The following IRX6 variants were observed in gnomAD, a reference collection of about 807,000 sequenced individuals.
IRX6 encodes the protein iroquois homeobox 6.
A neutral mutation model predicts 47.7 loss-of-function variants in IRX6; 46 were observed. The ratio of observed to expected loss-of-function variants is 0.96; its 90% confidence interval spans 0.76 to 1.23. The LOEUF (loss-of-function observed/expected upper bound fraction) is 1.23, where lower values mean the gene tolerates loss of function less well. Ranked by LOEUF, IRX6 falls within the 50% of genes most tolerant of loss-of-function variation. The pLI, the probability that IRX6 is intolerant of heterozygous loss-of-function variation, is 0.00. For missense variants in IRX6, 722 were observed against 588.0 expected (o/e 1.23, Z -2.36); for synonymous variants, 265 against 246.2 (o/e 1.08, Z -0.72).
chr16:55,325,244 A>G, intron 1 of IRX6, 108 bp downstream of exon 1: 2 of 1,034,910 alleles, frequency 1.9e-6, no homozygotes, highest in Non-Finnish European at 2.9e-6. Flanking sequence ...GGGAAGCCAG[A>G]AGGAGCAAGG....
In IRX6 at chr16:55,328,798, G is replaced by A. The variant is rs764874460; in HGVS notation, c.820G>A (p.Val274Ile). 24 of 1,613,172 alleles carry A rather than the reference G, an allele frequency of 1.5e-5. No individual in the cohort carries two copies. The East Asian group carries it at 3.6e-4, about 24-fold the overall frequency. The part of the protein sequence containing the change: ...EEEEEAEDEE[V>I]VATAGDRLTE... Reference sequence around the variant, plus strand: ...GGAGGAGGAAGCTGAAGACGAGGAGGTAGTGGCCACAGCTGGGGACAGGCT... The same window carrying A: ...GGAGGAGGAAGCTGAAGACGAGGAGATAGTGGCCACAGCTGGGGACAGGCT... The change falls in exon 5 of 6, where the codon GTA (valine) becomes ATA (isoleucine). Residue 274 changes from valine (V) to isoleucine (I), a missense_variant. Transcript: ENST00000290552.
At position 55,330,374 on chromosome 16, in the gene IRX6, A is replaced by G; in HGVS notation, c.*69A>G. 1 of 1,485,752 alleles carries G rather than the reference A, an allele frequency of 6.7e-7. No individual in the cohort carries two copies. Among genetic ancestry groups the G allele is most frequent in the South Asian group, 1.1e-5 (1 of 88,522 alleles). 92.0% of individuals were successfully genotyped at this position (1,485,752 alleles called of 1,614,324 possible). On this transcript the variant is annotated 3_prime_UTR_variant, in exon 6 of 6. Transcript: ENST00000290552. ...ACGTTTCGAATTCATCTCCAGGTTA[A>G]GAAGCTGCCAGACCTTGCCAGGGAC... is the stretch of plus-strand genomic sequence containing the variant.
At chr16:55,328,675 C>T (rs1960580786) in intron 4 of IRX6, 25 bp from the exon 5 acceptor site, 1 of 1,608,370 alleles carries the variant, frequency 6.2e-7, no homozygotes, top group South Asian at 1.1e-5. Flanking sequence ...TGGGGCTTTT[C>T]TCACTCGCTC....
chr16:55,328,125 C>T (rs541620044), intron 4 of IRX6, among the ~76,000 whole-genome samples: 1 of 152,242 alleles, frequency 6.6e-6, no homozygotes, highest in Admixed American at 6.5e-5. Flanking sequence ...CTTCCTGCCT[C>T]ACCCAAGCCA....
At chr16:55,326,793 G>A in intron 2 of IRX6, 200 bp downstream of exon 2, 4 of 506,526 alleles carry the variant, frequency 7.9e-6, no homozygotes, top group Non-Finnish European at 1.3e-5. Context: ...AATTCTGTGA[G>A]GTAGGCAAGT....
chr16:55,325,614 A>G (rs1960508041), intron 1 of IRX6, among the ~76,000 whole-genome samples: 1 of 150,824 alleles, frequency 6.6e-6, no homozygotes, highest in African/African-American at 2.4e-5. Flanking sequence ...AGAAAGAGAA[A>G]GAAAGAACTT....
chr16:55,327,405 G>A lies in IRX6; in HGVS notation c.413G>A (p.Arg138Gln), dbSNP rs755163241. The A allele has an allele frequency of 1.4e-5, 23 of 1,608,968 alleles. No individual in the cohort carries two copies. Among genetic ancestry groups the A allele is most frequent in the African/African-American group, 6.7e-5 (5 of 74,794 alleles). ...ACTCTGGGGCAGTACCAATATGAACGGTAAGGAGTGAAGGGCCTTGGTGAC... is the reference window on the plus strand; with the variant it reads ...ACTCTGGGGCAGTACCAATATGAACAGTAAGGAGTGAAGGGCCTTGGTGAC... The part of the protein sequence containing the change: ...ERTLGQYQYE[R>Q]YGAVELSGAG... Residue 138 changes from arginine (R) to glutamine (Q), a missense_variant and splice_region_variant, in exon 3 of 6, where the codon CGG becomes CAG. By Grantham distance (43) the Arg-to-Gln change is conservative. Coordinates refer to ENST00000290552, the MANE Select transcript of IRX6 (RefSeq NM_024335.3).
intron 1 of IRX6, chr16:55,325,835 A>T (rs1287023672): frequency 9.7e-5 from 15 of 155,306 alleles, no homozygotes; most frequent in Admixed American, 8.1e-4. Flanking sequence ...TTCTGAGTGT[A>T]TTTTCCTGTT....
intron 5 of IRX6, 73 bp downstream of exon 5, chr16:55,329,384 A>G (rs1418269268): frequency 7.3e-6 from 11 of 1,514,520 alleles, no homozygotes; most frequent in Non-Finnish European, 7.9e-6. Context: ...CGGCAATTGC[A>G]CACCCTCTGC....
rs368680499 is a variant in IRX6 at position 55,325,048 on chromosome 16, G to T, written c.-44G>T. On this transcript the variant is annotated 5_prime_UTR_variant, in exon 1 of 6. Transcript: ENST00000290552. Reference sequence around the variant, plus strand: ...GGGCGCGGAACAGCTGGGCTGAGACGGGAACTCGACAGGGAAGAGAGAGAC... The same window carrying T: ...GGGCGCGGAACAGCTGGGCTGAGACTGGAACTCGACAGGGAAGAGAGAGAC... 4.1e-4 allele frequency: 654 copies of T among 1,606,602 alleles called. No homozygotes were observed. Among genetic ancestry groups the T allele is most frequent in the Non-Finnish European group, 5.3e-4 (619 of 1,173,572 alleles).
rs938338098 is a variant in IRX6 at position 55,329,113 on chromosome 16, C to T, written c.1135C>T (p.Arg379Cys). Residue 379 changes from arginine to cysteine, a missense_variant, in exon 5 of 6, where the codon CGT becomes TGT. Arg to Cys is a radical substitution (Grantham distance 180). Coordinates refer to ENST00000290552, the MANE Select transcript of IRX6 (RefSeq NM_024335.3). The part of the protein sequence containing the change: ...ARPRPRSPEC[R>C]MIPGQPPASA... ...GCCTAGGCCACGAAGTCCTGAGTGC[C>T]GTATGATTCCTGGACAGCCTCCTGC... is the stretch of plus-strand genomic sequence containing the variant. 1 of 1,614,096 alleles carries T rather than the reference C, an allele frequency of 6.2e-7. No individual in the cohort carries two copies. Among genetic ancestry groups the T allele is most frequent in the Non-Finnish European group, 8.5e-7 (1 of 1,180,038 alleles).
chr16:55,327,862 C>T lies in IRX6; in HGVS notation c.690C>T (p.Asp230=). The change falls in exon 4 of 6, where the codon GAC becomes GAT. Residue 230 remains aspartate, a synonymous_variant. Transcript: ENST00000290552. ...EERKAEGGEE[D]SLGCLTADTK... is the part of the protein sequence containing the mutation. ...GGAAGGCAGAGGGAGGAGAGGAGGA[C>T]TCACTAGGCTGCCTAACTGCTGACA... 1 of 1,609,200 alleles carries T rather than the reference C, an allele frequency of 6.2e-7. No homozygotes were observed. The highest frequency in any genetic ancestry group is 8.5e-7 in the Non-Finnish European group (1 of 1,177,676).
chr16:55,329,242 C>G lies in IRX6; in HGVS notation c.1264C>G (p.Leu422Val). The G allele has an allele frequency of 6.2e-7, 1 of 1,613,840 alleles. No individual in the cohort carries two copies. The highest frequency in any genetic ancestry group is 8.5e-7 in the Non-Finnish European group (1 of 1,180,042). The change falls in exon 5 of 6, where the codon CTG becomes GTG. Residue 422 changes from leucine to valine, a missense_variant. Leu to Val is a conservative substitution (Grantham distance 32). Transcript: ENST00000290552. ...CAAGTTTGCCCTGCAGGGACTACCG[C>G]TGAACTGTGCGCCGTGCCCGCGGAG... The part of the protein sequence containing the change: ...NPKFALQGLP[L>V]NCAPCPRRSE...
intron 4 of IRX6, among the ~76,000 whole-genome samples, chr16:55,328,274 T>C (rs914588265): frequency 1.3e-5 from 2 of 152,202 alleles, no homozygotes; most frequent in Non-Finnish European, 2.9e-5. Context: ...TGCTGCCATA[T>C]GCCCTACACA....
chr16:55,326,288 TG>T (rs767987070), intron 1 of IRX6, 47 bp from the exon 2 acceptor site: 16,613 of 905,856 alleles, frequency 0.018, 29 homozygotes, highest in African/African-American at 0.098. Flanking sequence ...GGGGCGGGGG[TG>T]GGGGGGGGGT....
rs1413106091 is a variant in IRX6, at chr16:55,328,704, T to G, written c.726T>G (p.Val242=). The G allele has an allele frequency of 6.2e-6, 10 of 1,612,704 alleles. No individual in the cohort carries two copies. In the African/African-American group the frequency reaches 1.2e-4, roughly 19 times the overall value. ...CTCGCTCTTGATTTCCTGCAGAAGT[T>G]ACTGCTAGCCAGGAGGCCCGGGGGC... ...LGCLTADTKE[V]TASQEARGLR... The change falls in exon 5 of 6, where the codon GTT becomes GTG. Residue 242 remains valine (V), a synonymous_variant. Coordinates refer to ENST00000290552, the MANE Select transcript of IRX6 (RefSeq NM_024335.3).
In IRX6 at chr16:55,327,661, CT is replaced by C. The variant is rs770647937; in HGVS notation, c.490del (p.Trp164GlyfsTer25). 1.2e-6 allele frequency: 2 copies of C among 1,612,356 alleles called. No homozygotes were observed. Among genetic ancestry groups the C allele is most frequent in the African/African-American group, 2.7e-5 (2 of 74,868 alleles). ...GGGAGACCACCAGTACACTCAAGGCCTGGCTCAACGAGCACCGCAAAAACCC... is the reference window on the plus strand; with the variant it reads ...GGGAGACCACCAGTACACTCAAGGCCGGCTCAACGAGCACCGCAAAAACCC... ...TRETTSTLKAWLNEHRKNPYP... is the reference protein window; with the variant it reads ...TRETTSTLKAXLNEHRKNPYP... On this transcript the variant is annotated frameshift_variant, in exon 4 of 6. Transcript: ENST00000290552. LOFTEE classifies it high-confidence loss of function.
At chr16:55,327,151 G>T in intron 2 of IRX6, 145 bp from the exon 3 acceptor site, 1 of 642,930 alleles carries the variant, frequency 1.6e-6, no homozygotes, top group Non-Finnish European at 2.8e-6. Flanking sequence ...GCACAGAGTG[G>T]TTAAGCCACT....
rs773943081 is a variant in IRX6, at chr16:55,327,440, G to A, written c.413+35G>A. ...GAAGGGCCTTGGTGACTGGCACTGT[G>A]AGTCTTTCCTCCCCCACTGCCAAGG... On this transcript the variant is annotated intron_variant, in intron 3 of 5. Coordinates refer to ENST00000290552, the MANE Select transcript of IRX6 (RefSeq NM_024335.3). The A allele has an allele frequency of 1.1e-5, 17 of 1,584,226 alleles. No homozygotes were observed. In the East Asian group the frequency reaches 2.0e-4, roughly 19 times the overall value.
Sources: allele counts gnomAD v4.1 joint callset (sites outside exome capture counted in the v4.1 genomes callset), GRCh38; gene constraint gnomAD v4.1.1; transcripts MANE v1.5; gene names NCBI Gene and HGNC (gene_info 2026-07-23, HGNC 2026-07-21).